The following ARPIN variants were observed in gnomAD, a reference collection of about 807,000 sequenced individuals.
ARPIN encodes UPF0552 protein C15orf38.
ARPIN carries 23 observed loss-of-function variants against 25.9 expected under a neutral mutation model. The ratio of observed to expected loss-of-function variants is 0.89; its 90% CI spans 0.64 to 1.26. ARPIN has a LOEUF of 1.26. ARPIN is among the 50% of genes most tolerant of loss of function. The pLI is 0.00. For missense variants in ARPIN, 333 were observed against 312.2 expected (o/e 1.07, Z -0.50); for synonymous variants, 126 against 131.4 (o/e 0.96, Z 0.28).
At chr15:89,911,307 A>T (rs1268936889) in intron 1 of ARPIN, among the ~76,000 whole-genome samples, 1 of 152,144 alleles carries the variant, frequency 6.6e-6, no homozygotes, top group Admixed American at 6.5e-5. Context: ...TCTCATTCAT[A>T]TCCAGGTGGT....
rs1384982350 is a variant in ARPIN at position 89,897,728 on chromosome 15, A to G, written c.*4067T>C. ...ATTATGAACATGACTGAGTGAAACT[A>G]TGAGTCTTTTTTTCCCCTTTAAATA... is the stretch of plus-strand genomic sequence containing the variant. On this transcript the variant is annotated 3_prime_UTR_variant, in exon 6 of 6. Coordinates refer to ENST00000357484, the MANE Select transcript of ARPIN (RefSeq NM_182616.4). The G allele has an allele frequency of 1.3e-5, 2 of 152,198 alleles. No homozygotes were observed. The highest frequency in any genetic ancestry group is 6.5e-5 in the Admixed American group (1 of 15,280). 9.4% of individuals were successfully genotyped at this position (152,198 alleles called of 1,614,324 possible).
In ARPIN at chr15:89,912,805, G is replaced by A. The variant is rs755021460; in HGVS notation, c.31C>T (p.Arg11Trp). The A allele has an allele frequency of 8.5e-6, 13 of 1,526,034 alleles. No individual in the cohort carries two copies. The South Asian group carries it at 1.5e-4, about 17-fold the overall frequency. The allele number at this position is 1,526,034 out of a possible 1,614,324, so 94.5% of individuals were successfully genotyped here. Residue 11 changes from arginine (R) to tryptophan (W), a missense_variant, in exon 1 of 6, where the codon CGG becomes TGG. Arg to Trp is a moderately radical substitution (Grantham distance 101). Coordinates refer to ENST00000357484, the MANE Select transcript of ARPIN (RefSeq NM_182616.4). ...CGGACGCTCTGCACCGCCTTGTTCC[G>A]GAGCGCGCCGTCGTGGTAGATGCGG... MSRIYHDGALRNKAVQSVRLP... is the reference protein window; with the variant it reads MSRIYHDGALWNKAVQSVRLP...
intron 5 of ARPIN, 81 bp from the exon 6 acceptor site, chr15:89,901,884 T>C: frequency 6.5e-7 from 1 of 1,540,032 alleles, no homozygotes; most frequent in Non-Finnish European, 8.9e-7. Context: ...CAAACAAGGG[T>C]TCAATTGCGT....
At position 89,908,318 on chromosome 15, in the gene ARPIN, G is replaced by A; in HGVS notation, c.263C>T (p.Thr88Ile). ...GAGGAAGCCCGTGTTCACCTTCCTGGTGGCGCTGAAGTTGGGCTCGATTTC... is the reference window on the plus strand; with the variant it reads ...GAGGAAGCCCGTGTTCACCTTCCTGATGGCGCTGAAGTTGGGCTCGATTTC... ...GNEIEPNFSA[T>I]RKVNTGFLMS... is the part of the protein sequence containing the mutation. Residue 88 changes from threonine (T) to isoleucine (I), a missense_variant, in exon 3 of 6, where the codon ACC (threonine) becomes ATC (isoleucine). Transcript: ENST00000357484. The A allele has an allele frequency of 1.2e-6, 2 of 1,614,206 alleles. No homozygotes were observed. Among genetic ancestry groups the A allele is most frequent in the Non-Finnish European group, 1.7e-6 (2 of 1,180,032 alleles).
chr15:89,896,338 A>G lies in ARPIN; in HGVS notation c.*5457T>C, dbSNP rs1896930868. ...CTGCCAACTATGAAAACCTACTTTG[A>G]TGGTTCAAATTGTAATTATAGGAAG... On this transcript the variant is annotated 3_prime_UTR_variant, in exon 6 of 6. Transcript: ENST00000357484. The G allele has an allele frequency of 6.6e-6, 1 of 152,252 alleles. No individual in the cohort carries two copies. Among genetic ancestry groups the G allele is most frequent in the African/African-American group, 2.4e-5 (1 of 41,470 alleles). 9.4% of individuals were successfully genotyped at this position (152,252 alleles called of 1,614,324 possible).
At position 89,902,797 on chromosome 15, in the gene ARPIN, A is replaced by G. The variant is rs1897044227; in HGVS notation, c.672+419T>C. 3 of 1,037,670 alleles carry G rather than the reference A, an allele frequency of 2.9e-6. No homozygotes were observed. In the African/African-American group the frequency reaches 5.0e-5, roughly 17 times the overall value. The allele number at this position is 1,037,670 out of a possible 1,614,324, so 64.3% of individuals were successfully genotyped here. A position where few individuals can be genotyped will look rare whatever the true frequency, so the allele number is the denominator to read the frequency against. On this transcript the variant is annotated intron_variant, in intron 5 of 5. Transcript: ENST00000357484. Reference sequence around the variant, plus strand: ...ACTCTCATCAAAAGAAAAACCAGTAAGGACCAGGTCAGCCATTCTCCAGAC... The same window carrying G: ...ACTCTCATCAAAAGAAAAACCAGTAGGGACCAGGTCAGCCATTCTCCAGAC...
chr15:89,912,084 G>C (rs1897233764), intron 1 of ARPIN: 17 of 619,134 alleles, frequency 2.7e-5, no homozygotes, highest in Non-Finnish European at 3.2e-5. Context: ...GCCTCCCAAA[G>C]TGCTGGGATT....
At chr15:89,905,019 C>T (rs1383415317) in intron 3 of ARPIN, among the ~76,000 whole-genome samples, 1 of 105,838 alleles carries the variant, frequency 9.4e-6, no homozygotes. Flanking sequence ...ACTCACCTGT[C>T]AACCCTTTTT....
intron 1 of ARPIN, among the ~76,000 whole-genome samples, chr15:89,911,211 A>G (rs1054321345): frequency 6.6e-6 from 1 of 152,204 alleles, no homozygotes; most frequent in African/African-American, 2.4e-5. Context: ...TTACTTTTTT[A>G]TTGGTCCAAA....
rs566543026 is a variant in ARPIN at position 89,900,867 on chromosome 15, G to A, written c.*928C>T. 2.6e-5 allele frequency: 4 copies of A among 151,518 alleles called. No homozygotes were observed. Among genetic ancestry groups the A allele is most frequent in the African/African-American group, 7.3e-5 (3 of 41,300 alleles). The allele number at this position is 151,518 out of a possible 1,614,324, so 9.4% of individuals were successfully genotyped here. A position where few individuals can be genotyped will look rare whatever the true frequency, so the allele number is the denominator to read the frequency against. ...ACCTGACAATAACCCAGTAAGGGTG[G>A]AGGAATTCCTTTCTGAAGATTTACT... On this transcript the variant is annotated 3_prime_UTR_variant, in exon 6 of 6. Transcript: ENST00000357484.
In ARPIN at chr15:89,903,301, G is replaced by C; in HGVS notation, c.587C>G (p.Thr196Arg). Residue 196 changes from threonine (T) to arginine (R), a missense_variant, in exon 5 of 6, where the codon ACA (threonine) becomes AGA (arginine). Transcript: ENST00000357484. ...ACACTTTTGGGCCATGATGTTGTCTGTCCAGGATGCCCCTGTCTTTCCATC... is the reference window on the plus strand; with the variant it reads ...ACACTTTTGGGCCATGATGTTGTCTCTCCAGGATGCCCCTGTCTTTCCATC... ...TGDGKTGASW[T>R]DNIMAQKCSK... The C allele has an allele frequency of 8.7e-6, 14 of 1,614,196 alleles. No individual in the cohort carries two copies. The highest frequency in any genetic ancestry group is 1.2e-5 in the Non-Finnish European group (14 of 1,180,046).
intron 3 of ARPIN, among the ~76,000 whole-genome samples, chr15:89,904,476 C>T (rs1567195446): frequency 1.3e-5 from 2 of 152,152 alleles, no homozygotes; most frequent in African/African-American, 2.4e-5. Flanking sequence ...CTTGAGACCC[C>T]GGTGGCCAGG....
chr15:89,908,408 C>A lies in ARPIN; in HGVS notation c.173G>T (p.Arg58Leu), dbSNP rs761406771. 2.5e-6 allele frequency: 4 copies of A among 1,613,984 alleles called. No homozygotes were observed. Among genetic ancestry groups the A allele is most frequent in the Non-Finnish European group, 3.4e-6 (4 of 1,179,956 alleles). ...SILDTHGRKE[R>L]YYVLYIRPSH... Reference sequence around the variant, plus strand: ...GGGCCGGATATACAGCACGTAGTAGCGCTCCTGGGGCCAGGCAGACAGAGA... The same window carrying A: ...GGGCCGGATATACAGCACGTAGTAGAGCTCCTGGGGCCAGGCAGACAGAGA... Residue 58 changes from arginine to leucine, a missense_variant, in exon 3 of 6, where the codon CGC becomes CTC. Transcript: ENST00000357484.
chr15:89,906,902 C>G (rs1035300549), intron 3 of ARPIN, among the ~76,000 whole-genome samples: 2 of 151,116 alleles, frequency 1.3e-5, no homozygotes, highest in African/African-American at 4.9e-5. Flanking sequence ...TTGCAGTGAT[C>G]CAAGATTGAG....
At chr15:89,911,594 A>AC (rs1382450195) in intron 1 of ARPIN, among the ~76,000 whole-genome samples, 1 of 152,048 alleles carries the variant, frequency 6.6e-6, no homozygotes, top group Non-Finnish European at 1.5e-5. Flanking sequence ...CCCACCCCCC[A>AC]CAATTATTTT....
rs765876482 is a variant in ARPIN, at chr15:89,903,160, C to T, written c.672+56G>A. The stretch of plus-strand genomic sequence containing the variant: ...TTCTCATCCTACCCACAACCTCAAC[C>T]AGTATGTACCATGCTCCTGCCAGGA... On this transcript the variant is annotated intron_variant, in intron 5 of 5. Coordinates refer to ENST00000357484, the MANE Select transcript of ARPIN (RefSeq NM_182616.4). 16 of 1,614,004 alleles carry T rather than the reference C, an allele frequency of 9.9e-6. No homozygotes were observed. The African/African-American group carries it at 1.7e-4, about 18-fold the overall frequency.
Position 89,910,761 on chromosome 15 carries a change from C to T in ARPIN, c.151G>A (p.Asp51Asn), listed in dbSNP as rs1567197625. Residue 51 changes from aspartate to asparagine, a missense_variant, in exon 2 of 6, where the codon GAC becomes AAC. Coordinates refer to ENST00000357484, the MANE Select transcript of ARPIN (RefSeq NM_182616.4). Reference protein sequence around the residue: ...LIDVSRHSILDTHGRKERYYV... With the variant: ...LIDVSRHSILNTHGRKERYYV... ...ATCCTCACCTTCCTGCCATGAGTGT[C>T]CAAGATGCTGTGCCGAGATACATCG... 1.2e-6 allele frequency: 2 copies of T among 1,614,186 alleles called. No individual in the cohort carries two copies. Among genetic ancestry groups the T allele is most frequent in the South Asian group, 1.1e-5 (1 of 91,088 alleles).
In ARPIN at chr15:89,899,745, G is replaced by A. The variant is rs1896989137; in HGVS notation, c.*2050C>T. 1 of 152,474 alleles carries A rather than the reference G, an allele frequency of 6.6e-6. No homozygotes were observed. The highest frequency in any genetic ancestry group is 1.5e-5 in the Non-Finnish European group (1 of 68,192). The allele number at this position is 152,474 out of a possible 1,614,324, so 9.4% of individuals were successfully genotyped here. A position where few individuals can be genotyped will look rare whatever the true frequency, so the allele number is the denominator to read the frequency against. On this transcript the variant is annotated 3_prime_UTR_variant, in exon 6 of 6. Coordinates refer to ENST00000357484, the MANE Select transcript of ARPIN (RefSeq NM_182616.4). ...GCCTCCAGCTGCTCGGCAGTCAAGT[G>A]ACCTTTGAAACACAGATCAGATCTT...
intron 5 of ARPIN, among the ~76,000 whole-genome samples, chr15:89,902,540 CA>C (rs1567194620): frequency 6.6e-6 from 1 of 151,586 alleles, no homozygotes; most frequent in East Asian, 1.9e-4. Context: ...CTCGTCTCTA[CA>C]AAAAATAAAA....
Sources: gnomAD v4.1 joint callset for allele counts (sites outside exome capture counted in the v4.1 genomes callset) on GRCh38, gnomAD v4.1.1 for gene constraint, MANE v1.5 for transcripts, NCBI Gene and HGNC (gene_info 2026-07-23, HGNC 2026-07-21) for gene names.